The following CACNA1C variants were observed in gnomAD, a reference collection of about 807,000 sequenced individuals.
CACNA1C encodes calcium voltage-gated channel subunit alpha1 C, also known as voltage-dependent L-type calcium channel subunit alpha-1C.
CACNA1C carries 30 observed loss-of-function variants against 229.0 expected under a neutral mutation model. The observed-to-expected ratio is 0.13, with a 90% CI of 0.10 to 0.18. The LOEUF is 0.18. CACNA1C is among the 10% of genes least tolerant of loss of function. The probability of loss-of-function intolerance (pLI) is 1.00; values close to 1 mark genes in which losing one functional copy is unlikely to be tolerated. For synonymous variants in CACNA1C, 1,114 were observed against 1,132.5 expected (o/e 0.98, Z 0.33); for missense variants, 1,658 against 2,845.0 (o/e 0.58, Z 9.49).
intron 20 of CACNA1C, among the ~76,000 whole-genome samples, chr12:2,596,734 C>G (rs56150844): frequency 0.034 from 5,209 of 152,236 alleles, 304 homozygotes; most frequent in African/African-American, 0.12. Context: ...GAAGGATGCA[C>G]CTCCCTTGCC....
intron 3 of CACNA1C, among the ~76,000 whole-genome samples, chr12:2,148,905 G>A (rs1597344454): frequency 6.6e-6 from 1 of 152,190 alleles, no homozygotes; most frequent in Non-Finnish European, 1.5e-5. Context: ...AGCCTGGCGG[G>A]TGGCCCTGGG....
chr12:2,003,366 C>G (rs1213210899), intron 1 of CACNA1C, among the ~76,000 whole-genome samples: 1 of 152,196 alleles, frequency 6.6e-6, no homozygotes, highest in Non-Finnish European at 1.5e-5. Context: ...CTAAGTTCTC[C>G]ATACTGTTTT....
chr12:2,449,263 G>A, intron 4 of CACNA1C, 148 bp downstream of exon 4: 1 of 580,126 alleles, frequency 1.7e-6, no homozygotes, highest in Non-Finnish European at 2.8e-6. Flanking sequence ...GATTTATTTT[G>A]CTAAAAGGAA....
chr12:2,120,499 C>G (rs549008517), intron 3 of CACNA1C, 69 bp downstream of exon 3: 2 of 894,944 alleles, frequency 2.2e-6, no homozygotes, highest in Admixed American at 3.4e-5. Flanking sequence ...CACATAGATG[C>G]ATGGAATGTG....
chr12:2,200,194 C>G (rs937752177), intron 3 of CACNA1C, among the ~76,000 whole-genome samples: 5 of 152,190 alleles, frequency 3.3e-5, no homozygotes, highest in Admixed American at 3.3e-4. Flanking sequence ...AGGAGTTTCA[C>G]TGTATCAGTA....
chr12:2,521,889 T>G (rs1049295455), intron 9 of CACNA1C, among the ~76,000 whole-genome samples: 1 of 152,188 alleles, frequency 6.6e-6, no homozygotes, highest in Non-Finnish European at 1.5e-5. Flanking sequence ...TTTGAATGTG[T>G]CTCCATGGGT....
intron 43 of CACNA1C, among the ~76,000 whole-genome samples, chr12:2,684,518 C>G (rs1311673678): frequency 6.6e-6 from 1 of 152,096 alleles, no homozygotes; most frequent in African/African-American, 2.4e-5. Flanking sequence ...CTTGGTGCAC[C>G]AGGCACTCTG....
rs1491419739 is a variant in CACNA1C, at chr12:2,022,463, C to CCT, written c.139+51262_139+51263insCT. On this transcript the variant is annotated intron_variant, in intron 1 of 46. Coordinates refer to the CACNA1C transcript ENST00000682462. ...GTGACCAGAAAGATGCCCTAAGGAA[C>CCT]TTTTTTTTTTTTTTTTTGAGACAGA... Among the ~76,000 whole-genome samples the CCT allele has an allele frequency of 3.7e-5, 5 of 133,616 alleles. No individual in the cohort carries two copies. In the South Asian group the frequency reaches 7.2e-4, roughly 19 times the overall value. The allele number at this position is 133,616 out of a possible 152,430, so 87.7% of individuals were successfully genotyped here.
At chr12:2,195,769 G>C (rs1482240413) in intron 3 of CACNA1C, among the ~76,000 whole-genome samples, 1 of 152,206 alleles carries the variant, frequency 6.6e-6, no homozygotes, top group Non-Finnish European at 1.5e-5. Context: ...GCTTAGGATA[G>C]GGAATGTCGA....
At chr12:2,255,408 T>G (rs958466745) in intron 3 of CACNA1C, among the ~76,000 whole-genome samples, 2 of 152,042 alleles carry the variant, frequency 1.3e-5, no homozygotes, top group East Asian at 3.9e-4. Context: ...TAGATCCAGG[T>G]CCATTTACTA....
intron 1 of CACNA1C, among the ~76,000 whole-genome samples, chr12:1,983,905 C>T (rs2036890258): frequency 6.6e-6 from 1 of 151,808 alleles, no homozygotes; most frequent in South Asian, 2.1e-4. Context: ...CACTTTGAAG[C>T]TCTGTATTTA....
intron 9 of CACNA1C, 59 bp from the exon 10 acceptor site, chr12:2,549,884 T>A: frequency 7.9e-7 from 1 of 1,269,552 alleles, no homozygotes; most frequent in Admixed American, 2.0e-5. Context: ...CTACTGCTCT[T>A]CTGTTCCCTT....
rs566416482 is a variant in CACNA1C at position 2,043,599 on chromosome 12, C to G, written c.140-71625C>G. 9.2e-5 allele frequency among the ~76,000 whole-genome samples: 14 copies of G among 151,446 alleles called. No homozygotes were observed. The East Asian group carries it at 2.7e-3, about 29-fold the overall frequency. ...GTCCAAATGCAGAATGGCTGAGAAG[C>G]TCACTCTGCCATGTGCCCCAGAGGA... On this transcript the variant is annotated intron_variant, in intron 1 of 46. Transcript: ENST00000682462.
At chr12:2,312,316 C>T (rs1007658460) in intron 3 of CACNA1C, among the ~76,000 whole-genome samples, 1 of 152,176 alleles carries the variant, frequency 6.6e-6, no homozygotes, top group Non-Finnish European at 1.5e-5. Flanking sequence ...TATCCTGCAG[C>T]GTGGCAGTGG....
chr12:2,142,597 A>G lies in CACNA1C; in HGVS notation c.477+22167A>G, dbSNP rs78191205. On this transcript the variant is annotated intron_variant, in intron 3 of 46. Transcript: ENST00000399655. ...GAGGTAGCCATAAGAAGGCATTGTC[A>G]TCTTAGGACATGCAGCTGTGTATTA... Among the ~76,000 whole-genome samples, 1,499 of 151,498 alleles carry G rather than the reference A, an allele frequency of 9.9e-3. 39 individuals are homozygous for G. Among genetic ancestry groups the G allele is most frequent in the African/African-American group, 0.034 (1,411 of 41,494 alleles).
At chr12:2,056,648 A>G (rs1161846985) in intron 1 of CACNA1C, among the ~76,000 whole-genome samples, 1 of 152,220 alleles carries the variant, frequency 6.6e-6, no homozygotes, top group Non-Finnish European at 1.5e-5. Context: ...ACAAATGGTC[A>G]GAGAACAACA....
At chr12:2,273,702 C>T (rs1341230741) in intron 3 of CACNA1C, among the ~76,000 whole-genome samples, 5 of 152,264 alleles carry the variant, frequency 3.3e-5, no homozygotes, top group Admixed American at 2.6e-4. Flanking sequence ...GAACTTTGCA[C>T]GATTTCCTAT....
intron 9 of CACNA1C, among the ~76,000 whole-genome samples, chr12:2,549,421 C>T (rs750640774): frequency 7.2e-5 from 11 of 152,154 alleles, no homozygotes; most frequent in South Asian, 2.1e-4. Context: ...AACCAACTGC[C>T]GGAAAGGGAA....
intron 4 of CACNA1C, among the ~76,000 whole-genome samples, chr12:2,455,281 T>C (rs2099410541): frequency 6.6e-6 from 1 of 152,210 alleles, no homozygotes; most frequent in South Asian, 2.1e-4. Flanking sequence ...AAGACTTGTC[T>C]ATACGGTAGC....
Sources: gnomAD v4.1 joint callset for allele counts (sites outside exome capture counted in the v4.1 genomes callset) on GRCh38, gnomAD v4.1.1 for gene constraint, MANE v1.5 for transcripts, NCBI Gene and HGNC (gene_info 2026-07-23, HGNC 2026-07-21) for gene names.